The following TOPBP1 variants were observed in gnomAD, a reference collection of about 807,000 sequenced individuals.
TOPBP1 encodes the protein DNA topoisomerase II binding protein 1.
A neutral mutation model predicts 167.7 loss-of-function variants in TOPBP1; 28 were observed. The observed-to-expected ratio is 0.17, with a 90% confidence interval of 0.12 to 0.23. The LOEUF is 0.23. Among genes scored for constraint, TOPBP1 ranks in the 10% least tolerant of loss-of-function variants. The pLI is 1.00. For synonymous variants in TOPBP1, 598 were observed against 611.4 expected (o/e 0.98, Z 0.32); for missense variants, 1,554 against 1,809.6 (o/e 0.86, Z 2.56).
intron 20 of TOPBP1, among the ~76,000 whole-genome samples, chr3:133,619,182 AC>A (rs763874760): frequency 8.5e-5 from 13 of 152,094 alleles, no homozygotes; most frequent in African/African-American, 3.1e-4. Flanking sequence ...TACCAAAGGA[AC>A]CCCCAAATAG....
intron 16 of TOPBP1, among the ~76,000 whole-genome samples, chr3:133,624,733 T>C (rs921290893): frequency 3.3e-5 from 5 of 152,180 alleles, no homozygotes; most frequent in African/African-American, 1.2e-4. Context: ...TCACTATTCA[T>C]TGTATGCCCC....
At chr3:133,609,030 A>G in intron 25 of TOPBP1, 68 bp from the exon 26 acceptor site, 1 of 1,216,010 alleles carries the variant, frequency 8.2e-7, no homozygotes, top group Non-Finnish European at 1.2e-6. Context: ...ATAATGCATG[A>G]TTTTATCTGT....
rs1934709550 is a variant in TOPBP1, at chr3:133,612,311, A to T, written c.4035+78T>A. 3 of 1,552,862 alleles carry T rather than the reference A, an allele frequency of 1.9e-6. No homozygotes were observed. The African/African-American group carries it at 4.1e-5, about 21-fold the overall frequency. On this transcript the variant is annotated intron_variant, in intron 24 of 27. Coordinates refer to ENST00000260810, the MANE Select transcript of TOPBP1 (RefSeq NM_007027.4). ...CACCTCGGCCTCCCAAAGTGCTAGG[A>T]TAACAGGTGTGAGCCACTGCACCCG... is the stretch of plus-strand genomic sequence containing the variant.
chr3:133,651,706 T>A (rs919287602), intron 8 of TOPBP1, among the ~76,000 whole-genome samples: 6 of 152,152 alleles, frequency 3.9e-5, no homozygotes, highest in Non-Finnish European at 7.4e-5. Flanking sequence ...AACAAAGCAG[T>A]GGCTCTAATG....
At chr3:133,660,922 TG>T in intron 2 of TOPBP1, 121 bp downstream of exon 2, 1 of 686,600 alleles carries the variant, frequency 1.5e-6, no homozygotes, top group Non-Finnish European at 2.4e-6. Context: ...TCTGTATTAA[TG>T]TAGACTATAA....
chr3:133,658,346 A>T (rs1440827171), intron 3 of TOPBP1, among the ~76,000 whole-genome samples: 1 of 152,070 alleles, frequency 6.6e-6, no homozygotes, highest in Non-Finnish European at 1.5e-5. Context: ...GGGCACCTGC[A>T]GTCCCAGTCT....
In TOPBP1 at chr3:133,637,889, G is replaced by A. The variant is rs142305736; in HGVS notation, c.2507C>T (p.Ser836Phe). 6.2e-7 allele frequency: 1 copy of A among 1,613,588 alleles called. No individual in the cohort carries two copies. Among genetic ancestry groups the A allele is most frequent in the Non-Finnish European group, 8.5e-7 (1 of 1,179,726 alleles). The change falls in exon 14 of 28, where the codon TCC becomes TTC. Residue 836 changes from serine to phenylalanine, a missense_variant. Coordinates refer to ENST00000260810, the MANE Select transcript of TOPBP1 (RefSeq NM_007027.4). ...FLSKDKLFKP[S>F]FDVKDALAAL... ...TATAAACCTTACCTTCACATCAAAGGAAGGCTTGAAGAGTTTGTCCTTGGA... is the reference window on the plus strand; with the variant it reads ...TATAAACCTTACCTTCACATCAAAGAAAGGCTTGAAGAGTTTGTCCTTGGA...
chr3:133,653,629 A>ATT (rs758153679), intron 6 of TOPBP1, 105 bp from the exon 7 acceptor site: 1,567 of 769,936 alleles, frequency 2.0e-3, no homozygotes, highest in African/African-American at 2.7e-3. Flanking sequence ...ACAGGTTAAT[A>ATT]TTTTTTTTTT....
At chr3:133,613,939 C>T (rs1934771508) in intron 23 of TOPBP1, among the ~76,000 whole-genome samples, 1 of 151,834 alleles carries the variant, frequency 6.6e-6, no homozygotes, top group Non-Finnish European at 1.5e-5. Context: ...ATTACAGGTG[C>T]CCGCCACCAC....
At chr3:133,623,693 G>A (rs1292759433) in intron 17 of TOPBP1, among the ~76,000 whole-genome samples, 4 of 152,042 alleles carry the variant, frequency 2.6e-5, no homozygotes, top group Non-Finnish European at 5.9e-5. Flanking sequence ...CTGTGCTTTT[G>A]CAAAGGTATC....
chr3:133,612,720 ATG>A, intron 23 of TOPBP1, among the ~76,000 whole-genome samples, 168 bp from the exon 24 acceptor site: 1 of 152,252 alleles, frequency 6.6e-6, no homozygotes, highest in Middle Eastern at 3.4e-3. Context: ...ACATATATAT[ATG>A]TATTAAAATG....
intron 19 of TOPBP1, 100 bp downstream of exon 19, chr3:133,622,991 T>G (rs976422537): frequency 3.1e-6 from 2 of 641,514 alleles, no homozygotes; most frequent in African/African-American, 3.7e-5. Flanking sequence ...GCCCAGGAGT[T>G]TCAGACCAGT....
At chr3:133,658,473 AAAAAAAAAAG>A (rs975005660) in intron 3 of TOPBP1, among the ~76,000 whole-genome samples, 10 of 83,110 alleles carry the variant, frequency 1.2e-4, no homozygotes, top group African/African-American at 3.9e-4. Context: ...TAACAAAAGA[AAAAAAAAAAG>A]AAAAGAAAAG....
At chr3:133,627,738 G>T (rs1351161334) in intron 16 of TOPBP1, among the ~76,000 whole-genome samples, 1 of 152,158 alleles carries the variant, frequency 6.6e-6, no homozygotes, top group Non-Finnish European at 1.5e-5. Context: ...GAGGAGTACA[G>T]TCAACTCAGG....
chr3:133,641,221 G>C (rs1254875255), intron 12 of TOPBP1, among the ~76,000 whole-genome samples: 1 of 152,104 alleles, frequency 6.6e-6, no homozygotes, highest in African/African-American at 2.4e-5. Context: ...AATAAGCCAT[G>C]TCTTCCTTAT....
Position 133,652,499 on chromosome 3 carries a change from T to C in TOPBP1, c.1053A>G (p.Ala351=). The C allele has an allele frequency of 1.2e-6, 2 of 1,611,962 alleles. No individual in the cohort carries two copies. The highest frequency in any genetic ancestry group is 1.1e-5 in the South Asian group (1 of 90,972). Reference sequence around the variant, plus strand: ...CTAATAAATCTTCAGGTGCTTGAAATGCACTGACATCCAGATTTTCTAGAT... The same window carrying C: ...CTAATAAATCTTCAGGTGCTTGAAACGCACTGACATCCAGATTTTCTAGAT... ...LENLENLDVS[A]FQAPEDLLDG... The change falls in exon 8 of 28, where the codon GCA becomes GCG. Residue 351 remains alanine, a synonymous_variant. Coordinates refer to ENST00000260810, the MANE Select transcript of TOPBP1 (RefSeq NM_007027.4).
In TOPBP1 at chr3:133,654,585, T is replaced by C. The variant is rs182581370; in HGVS notation, c.742+705A>G. Among the ~76,000 whole-genome samples, 266 of 152,302 alleles carry C rather than the reference T, an allele frequency of 1.7e-3. 1 individual carries two copies. The highest frequency in any genetic ancestry group is 6.3e-3 in the African/African-American group (260 of 41,566). On this transcript the variant is annotated intron_variant, in intron 6 of 27. Transcript: ENST00000260810. ...TAATTTCTTCTCAATCTAGATAGCT[T>C]AGTAAAACACAGTATACATATAAAG...
intron 12 of TOPBP1, 78 bp downstream of exon 12, chr3:133,643,122 A>C (rs1935950351): frequency 7.3e-7 from 1 of 1,368,384 alleles, no homozygotes; most frequent in Admixed American, 2.8e-5. Context: ...ACCAAATTCT[A>C]ATTTGAATGC....
At chr3:133,650,364 T>G (rs61301714) in intron 8 of TOPBP1, among the ~76,000 whole-genome samples, 24,263 of 98,970 alleles carry the variant, frequency 0.25, 2,399 homozygotes, top group African/African-American at 0.28. Flanking sequence ...TGTGTGTGTG[T>G]GGGGGGCGGG....
Sources: gnomAD v4.1 joint callset for allele counts (sites outside exome capture counted in the v4.1 genomes callset) on GRCh38, gnomAD v4.1.1 for gene constraint, MANE v1.5 for transcripts, NCBI Gene and HGNC (gene_info 2026-07-23, HGNC 2026-07-21) for gene names.